Variants in CLTA observed in about 807,000 individuals in gnomAD.
CLTA encodes the protein clathrin, light polypeptide (Lca).
Under a neutral mutation model 26.9 loss-of-function variants are expected in CLTA, and 9 were observed. The observed-to-expected ratio is 0.33, with a 90% confidence interval of 0.20 to 0.58. The LOEUF (loss-of-function observed/expected upper bound fraction) is 0.58, where lower values mean the gene tolerates loss of function less well. CLTA is among the 20% of genes least tolerant of loss of function. The pLI is 0.85. For synonymous variants in CLTA, 120 were observed against 115.5 expected, an observed-to-expected ratio of 1.04 and a Z score of -0.25; for missense variants, 278 against 294.2, an observed-to-expected ratio of 0.94 and a Z score of 0.40.
chr9:36,194,571 C>G (rs998190087), intron 1 of CLTA, among the ~76,000 whole-genome samples: 3 of 152,182 alleles, frequency 2.0e-5, no homozygotes, highest in African/African-American at 7.2e-5. Context: ...TGAGCAGTGT[C>G]ACTAAGGTAG....
At chr9:36,198,903 G>T in intron 2 of CLTA, 76 bp from the exon 3 acceptor site, 2 of 958,884 alleles carry the variant, frequency 2.1e-6, no homozygotes, top group Non-Finnish European at 1.6e-6. Flanking sequence ...CAGAACCAGG[G>T]GTTCTAACTC....
In CLTA at chr9:36,191,548, A is replaced by G. The variant is rs184683991; in HGVS notation, c.217+275A>G. On this transcript the variant is annotated intron_variant, in intron 1 of 4. Coordinates refer to ENST00000345519, the MANE Select transcript of CLTA (RefSeq NM_001833.4). Reference sequence around the variant, plus strand: ...GAGCCGGAAGAAGCCCGTTCAATTCAGCAACTTTTCATTAAGCATTTGCTG... The same window carrying G: ...GAGCCGGAAGAAGCCCGTTCAATTCGGCAACTTTTCATTAAGCATTTGCTG... Among the ~76,000 whole-genome samples the G allele has an allele frequency of 6.6e-4, 100 of 152,326 alleles. No individual in the cohort carries two copies. The East Asian group carries it at 0.016, about 25-fold the overall frequency.
chr9:36,192,288 T>G (rs1350398193), intron 1 of CLTA, among the ~76,000 whole-genome samples: 1 of 152,156 alleles, frequency 6.6e-6, no homozygotes, highest in Admixed American at 6.5e-5. Flanking sequence ...TGGCTTGACA[T>G]GAGACAGTAG....
At position 36,199,486 on chromosome 9, in the gene CLTA, G is replaced by T. The variant is rs113744534; in HGVS notation, c.373+390G>T. Among the ~76,000 whole-genome samples, 1,084 of 142,276 alleles carry T rather than the reference G, an allele frequency of 7.6e-3. 8 individuals are homozygous for T. The highest frequency in any genetic ancestry group is 0.026 in the African/African-American group (974 of 37,816). The allele number at this position is 142,276 out of a possible 152,430, so 93.3% of individuals were successfully genotyped here. A position where few individuals can be genotyped will look rare whatever the true frequency, so the allele number is the denominator to read the frequency against. On this transcript the variant is annotated intron_variant, in intron 3 of 4. Transcript: ENST00000345519. Reference sequence around the variant, plus strand: ...TTTTTTTGAGATGAAGTCTCACTCTGTTACCCAGGGTGGAGTGCAGTGGTG... The same window carrying T: ...TTTTTTTGAGATGAAGTCTCACTCTTTTACCCAGGGTGGAGTGCAGTGGTG...
chr9:36,193,044 G>A (rs920186196), intron 1 of CLTA, among the ~76,000 whole-genome samples: 20 of 152,242 alleles, frequency 1.3e-4, no homozygotes, highest in African/African-American at 4.3e-4. Flanking sequence ...AGAACTGACA[G>A]ATCTTGGTGA....
chr9:36,207,866 A>C (rs1827810606), intron 4 of CLTA, among the ~76,000 whole-genome samples: 1 of 152,154 alleles, frequency 6.6e-6, no homozygotes, highest in African/African-American at 2.4e-5. Context: ...GTAAACTAAA[A>C]GGGTTATGGG....
At chr9:36,208,707 C>T (rs1827860652) in intron 4 of CLTA, among the ~76,000 whole-genome samples, 1 of 152,210 alleles carries the variant, frequency 6.6e-6, no homozygotes, top group Admixed American at 6.5e-5. Flanking sequence ...CATTCCTGCC[C>T]AGTGCATTAA....
intron 4 of CLTA, chr9:36,210,781 C>T: frequency 9.2e-7 from 1 of 1,085,196 alleles, no homozygotes; most frequent in Non-Finnish European, 1.4e-6. Context: ...ACCCCTCCGT[C>T]CCCACAGACC....
intron 1 of CLTA, among the ~76,000 whole-genome samples, chr9:36,195,803 C>T (rs7025064): frequency 0.095 from 14,381 of 151,428 alleles, 925 homozygotes; most frequent in South Asian, 0.18. Flanking sequence ...CTCGTCTCTA[C>T]TAAAAAATAC....
At chr9:36,193,673 T>G (rs1587199329) in intron 1 of CLTA, among the ~76,000 whole-genome samples, 3 of 152,286 alleles carry the variant, frequency 2.0e-5, no homozygotes, top group Admixed American at 2.0e-4. Context: ...CAGAGATATA[T>G]AGGCAGTCAG....
intron 3 of CLTA, 57 bp downstream of exon 3, chr9:36,199,153 C>G (rs1368713730): frequency 9.1e-7 from 1 of 1,099,914 alleles, no homozygotes; most frequent in Non-Finnish European, 1.4e-6. Context: ...TTGAGCTGGA[C>G]TCTACTTTTA....
intron 4 of CLTA, among the ~76,000 whole-genome samples, chr9:36,206,336 GC>G (rs1261801745): frequency 6.6e-6 from 1 of 152,172 alleles, no homozygotes; most frequent in Non-Finnish European, 1.5e-5. Context: ...TGTCACCAGG[GC>G]TCTAGGACAG....
intron 1 of CLTA, among the ~76,000 whole-genome samples, chr9:36,197,185 G>C (rs1277970391): frequency 6.6e-6 from 1 of 152,116 alleles, no homozygotes; most frequent in Non-Finnish European, 1.5e-5. Context: ...AGATGAAGCT[G>C]CAGGTCTCTG....
At chr9:36,209,312 T>G in intron 4 of CLTA, 1 of 1,611,138 alleles carries the variant, frequency 6.2e-7, no homozygotes, top group Non-Finnish European at 8.5e-7. Context: ...CTGACGTGAT[T>G]GGTTATGTGT....
chr9:36,193,024 G>A (rs1826824628), intron 1 of CLTA, among the ~76,000 whole-genome samples: 1 of 152,206 alleles, frequency 6.6e-6, no homozygotes, highest in Admixed American at 6.5e-5. Flanking sequence ...CAGATCCAAG[G>A]GTCCTATGTA....
At position 36,210,412 on chromosome 9, in the gene CLTA, C is replaced by T. The variant is rs143043565; in HGVS notation, c.486-1191C>T. Among the ~76,000 whole-genome samples the T allele has an allele frequency of 9.4e-3, 1,437 of 152,260 alleles. 15 individuals are homozygous for T. The highest frequency in any genetic ancestry group is 0.031 in the Middle Eastern group (9 of 294). ...CAGGTGGTGTTTGATTTGATTTCTGCACATTCTCTCTGGAGTAGAAATGGA... is the reference window on the plus strand; with the variant it reads ...CAGGTGGTGTTTGATTTGATTTCTGTACATTCTCTCTGGAGTAGAAATGGA... On this transcript the variant is annotated intron_variant, in intron 4 of 4. Coordinates refer to ENST00000345519, the MANE Select transcript of CLTA (RefSeq NM_001833.4).
chr9:36,205,043 C>A lies in CLTA; in HGVS notation c.485+864C>A, dbSNP rs563054852. On this transcript the variant is annotated intron_variant, in intron 4 of 4. Transcript: ENST00000345519. ...GCAGGAAGCAGGTTGGGTTAAGTGC[C>A]CTTGTCTCTGGCAGCTCTGTTAGAC... 5.9e-5 allele frequency among the ~76,000 whole-genome samples: 9 copies of A among 152,274 alleles called. No individual in the cohort carries two copies. In the South Asian group the frequency reaches 1.9e-3, roughly 32 times the overall value.
intron 4 of CLTA, 71 bp from the exon 5 acceptor site, chr9:36,211,532 G>A (rs999158154): frequency 3.3e-6 from 5 of 1,524,450 alleles, no homozygotes; most frequent in Middle Eastern, 3.5e-4. Context: ...AGTTGCTTGT[G>A]TAGCAAGGCA....
intron 4 of CLTA, chr9:36,210,731 C>A: frequency 6.3e-7 from 1 of 1,583,340 alleles, no homozygotes; most frequent in Non-Finnish European, 8.7e-7. Flanking sequence ...TGGCTCTGGG[C>A]TTCAGCGGTG....
Sources: allele counts gnomAD v4.1 joint callset (sites outside exome capture counted in the v4.1 genomes callset), GRCh38; gene constraint gnomAD v4.1.1; transcripts MANE v1.5; gene names NCBI Gene and HGNC (gene_info 2026-07-23, HGNC 2026-07-21).